The following ZC3H11A variants were observed in gnomAD, a reference collection of about 807,000 sequenced individuals.
ZC3H11A encodes zinc finger CCCH domain-containing protein 11A.
Under a neutral mutation model 90.8 loss-of-function variants are expected in ZC3H11A, and 22 were observed. That is an observed-to-expected ratio of 0.24 (90% confidence interval 0.17 to 0.35). The LOEUF (loss-of-function observed/expected upper bound fraction) is 0.35. Among genes scored for constraint, ZC3H11A ranks in the 10% least tolerant of loss-of-function variants. The pLI, the probability that ZC3H11A is intolerant of heterozygous loss-of-function variation, is 1.00. For missense variants in ZC3H11A, 701 were observed against 964.9 expected, an observed-to-expected ratio of 0.73 and a Z score of 3.62; for synonymous variants, 294 against 339.8, an observed-to-expected ratio of 0.87 and a Z score of 1.48.
intron 2 of ZC3H11A, among the ~76,000 whole-genome samples, chr1:203,811,633 C>T (rs1446766345): frequency 2.6e-5 from 4 of 152,022 alleles, no homozygotes; most frequent in Admixed American, 6.6e-5. Flanking sequence ...ATTAGCCTCC[C>T]GAGTAGCTGA....
At chr1:203,797,817 C>G (rs1031766469) in intron 1 of ZC3H11A, 2 of 1,536,004 alleles carry the variant, frequency 1.3e-6, no homozygotes, top group Non-Finnish European at 1.7e-6. Flanking sequence ...TGCAGATGCC[C>G]CTGCTTTGTT....
Position 203,801,618 on chromosome 1 carries a change from T to TAA in ZC3H11A, c.-1543_-1542insAA, listed in dbSNP as rs1333245908. The TAA allele has an allele frequency of 6.6e-6, 1 of 152,586 alleles. No individual in the cohort carries two copies. The highest frequency in any genetic ancestry group is 1.5e-5 in the Non-Finnish European group (1 of 68,012). The allele number at this position is 152,586 out of a possible 1,614,324, so 9.5% of individuals were successfully genotyped here. A position where few individuals can be genotyped will look rare whatever the true frequency, so the allele number is the denominator to read the frequency against. ...CCCAAAAAATTCCTGGAAAATTGACTAGTATTAAGTGTGAGTAAAAGGTGT... is the reference window on the plus strand; with the variant it reads ...CCCAAAAAATTCCTGGAAAATTGACTAAAGTATTAAGTGTGAGTAAAAGGTGT... On this transcript the variant is annotated 5_prime_UTR_variant, in exon 2 of 18. Coordinates refer to ENST00000367210, the MANE Select transcript of ZC3H11A (RefSeq NM_001376342.1).
chr1:203,806,124 C>A, intron 2 of ZC3H11A: 1 of 503,004 alleles, frequency 2.0e-6, no homozygotes, highest in South Asian at 1.5e-5. Context: ...TCATCTTGAT[C>A]TGGTCCTTAT....
intron 2 of ZC3H11A, among the ~76,000 whole-genome samples, chr1:203,808,555 A>G (rs1673147831): frequency 6.6e-6 from 1 of 152,002 alleles, no homozygotes; most frequent in Non-Finnish European, 1.5e-5. Flanking sequence ...CCTTTTTAGG[A>G]TTTCTATTTA....
At chr1:203,842,597 CGGGGAGAGGGGGAG>C (rs1456351960) in intron 12 of ZC3H11A, among the ~76,000 whole-genome samples, 2 of 100,688 alleles carry the variant, frequency 2.0e-5, no homozygotes, top group Non-Finnish European at 3.8e-5. Flanking sequence ...AGAGGGAGAC[CGGGGAGAGGGGGAG>C]GGGGAGGGGG....
chr1:203,825,264 T>G (rs1558118850), intron 4 of ZC3H11A, among the ~76,000 whole-genome samples: 1 of 152,096 alleles, frequency 6.6e-6, no homozygotes, highest in Non-Finnish European at 1.5e-5. Context: ...CTATTTCCCT[T>G]AGGAATAATG....
rs1689056871 is a variant in ZC3H11A at position 203,850,739 on chromosome 1, A to G, written c.2106+58A>G. The G allele has an allele frequency of 4.5e-6, 7 of 1,571,110 alleles. No homozygotes were observed. In the South Asian group the frequency reaches 8.0e-5, roughly 18 times the overall value. Reference sequence around the variant, plus strand: ...TCTGTGTGGTAGGAAAGCAGGAAAGACTAACTCTCCACTAGCATTCTATCT... The same window carrying G: ...TCTGTGTGGTAGGAAAGCAGGAAAGGCTAACTCTCCACTAGCATTCTATCT... On this transcript the variant is annotated intron_variant, in intron 16 of 17. Coordinates refer to ENST00000367210, the MANE Select transcript of ZC3H11A (RefSeq NM_001376342.1).
chr1:203,823,868 T>G (rs1441156817), intron 4 of ZC3H11A, among the ~76,000 whole-genome samples: 2 of 152,176 alleles, frequency 1.3e-5, no homozygotes, highest in African/African-American at 2.4e-5. Context: ...GAGTGCCAGG[T>G]AGCTGTTAAC....
intron 1 of ZC3H11A, chr1:203,797,514 A>G (rs1229292413): frequency 4.7e-6 from 7 of 1,486,768 alleles, no homozygotes; most frequent in East Asian, 2.5e-5. Context: ...TTGTGGAGAC[A>G]TAAAGAGAAT....
At chr1:203,798,758 G>A in intron 1 of ZC3H11A, 3 of 1,536,102 alleles carry the variant, frequency 2.0e-6, no homozygotes, top group African/African-American at 1.4e-5. Context: ...ACATAAGTCA[G>A]GCAATTATCC....
rs548081853 is a variant in ZC3H11A, at chr1:203,838,640, A to G, written c.973+576A>G. Among the ~76,000 whole-genome samples, 93 of 152,324 alleles carry G rather than the reference A, an allele frequency of 6.1e-4. 1 individual carries two copies. Among genetic ancestry groups the G allele is most frequent in the Non-Finnish European group, 1.2e-3 (85 of 68,036 alleles). The stretch of plus-strand genomic sequence containing the variant: ...AGAAAGTTTGGACTTATTCTAAGAT[A>G]GTAACAACCCATTGAAAGGTTATAA... On this transcript the variant is annotated intron_variant, in intron 11 of 17. Coordinates refer to ENST00000367210, the MANE Select transcript of ZC3H11A (RefSeq NM_001376342.1).
chr1:203,839,457 G>GT (rs34169119), intron 11 of ZC3H11A, among the ~76,000 whole-genome samples: 17,143 of 152,148 alleles, frequency 0.11, 1,301 homozygotes, highest in Non-Finnish European at 0.16. Flanking sequence ...AAGAATAGGT[G>GT]TTTTTTTCCT....
chr1:203,812,477 T>A (rs1674816455), intron 2 of ZC3H11A, among the ~76,000 whole-genome samples: 1 of 152,190 alleles, frequency 6.6e-6, no homozygotes, highest in African/African-American at 2.4e-5. Context: ...ATTGGATGCA[T>A]ACTATTCCAT....
rs1183545682 is a variant in ZC3H11A, at chr1:203,802,389, G to C, written c.-773G>C. 2.0e-5 allele frequency: 3 copies of C among 152,256 alleles called. No individual in the cohort carries two copies. The highest frequency in any genetic ancestry group is 7.3e-5 in the African/African-American group (3 of 41,334). The allele number at this position is 152,256 out of a possible 1,614,324, so 9.4% of individuals were successfully genotyped here. ...GTCTTTTATAGTGCATTTTAAAAGGGGAAACTTATCCAAATGTTATATTTC... is the reference window on the plus strand; with the variant it reads ...GTCTTTTATAGTGCATTTTAAAAGGCGAAACTTATCCAAATGTTATATTTC... On this transcript the variant is annotated 5_prime_UTR_variant, in exon 2 of 18. Transcript: ENST00000367210.
At chr1:203,842,929 T>TG (rs1686872713) in intron 12 of ZC3H11A, among the ~76,000 whole-genome samples, 1 of 151,712 alleles carries the variant, frequency 6.6e-6, no homozygotes, top group South Asian at 2.1e-4. Flanking sequence ...TCCGTCTTTT[T>TG]TTTTTTAATA....
intron 2 of ZC3H11A, among the ~76,000 whole-genome samples, chr1:203,811,976 T>C (rs1428872256): frequency 2.0e-5 from 3 of 151,822 alleles, no homozygotes; most frequent in Non-Finnish European, 4.4e-5. Context: ...CCACCATGCT[T>C]GGCTAATTTT....
intron 2 of ZC3H11A, among the ~76,000 whole-genome samples, chr1:203,816,463 A>C (rs929249664): frequency 5.9e-5 from 9 of 152,176 alleles, no homozygotes; most frequent in African/African-American, 2.2e-4. Context: ...GTCTTTACAA[A>C]AATTTTTTTT....
chr1:203,845,077 C>A (rs535917615), intron 12 of ZC3H11A, among the ~76,000 whole-genome samples: 1 of 151,994 alleles, frequency 6.6e-6, no homozygotes, highest in African/African-American at 2.4e-5. Flanking sequence ...TTGACAGTTT[C>A]CTTTGACTGT....
At chr1:203,805,762 C>T (rs1298088184) in intron 2 of ZC3H11A, 2 of 680,638 alleles carry the variant, frequency 2.9e-6, no homozygotes, top group Non-Finnish European at 5.6e-6. Context: ...AAGCTCATCA[C>T]CCAGTGTATC....
Sources: gnomAD v4.1 joint callset for allele counts (sites outside exome capture counted in the v4.1 genomes callset) on GRCh38, gnomAD v4.1.1 for gene constraint, MANE v1.5 for transcripts, NCBI Gene and HGNC (gene_info 2026-07-23, HGNC 2026-07-21) for gene names.